The following GXYLT2 variants were observed in gnomAD, a reference collection of about 807,000 sequenced individuals.
The protein encoded by GXYLT2 is glycosyltransferase 8 domain containing 4.
Under a neutral mutation model 45.8 loss-of-function variants are expected in GXYLT2, and 53 were observed. The ratio of observed to expected loss-of-function variants is 1.16; its 90% CI spans 0.93 to 1.46. The LOEUF is 1.46. Ranked by LOEUF, GXYLT2 falls within the 40% of genes most tolerant of loss-of-function variation. GXYLT2 has a pLI of 0.00. For missense variants in GXYLT2, 551 were observed against 544.4 expected (o/e 1.01, Z -0.12); for synonymous variants, 219 against 214.2 (o/e 1.02, Z -0.19).
At chr3:72,949,502 C>CTTTTTTTTTTTTTTTTTTTTTTTTTTTT (rs56323434) in intron 3 of GXYLT2, among the ~76,000 whole-genome samples, 1 of 72,610 alleles carries the variant, frequency 1.4e-5, no homozygotes, top group African/African-American at 6.2e-5. Context: ...CTTTCTTTTT[C>CTTTTTTTTTTTTTTTTTTTTTTTTTTTT]TTTTTTTTTT....
At chr3:72,932,209 C>A (rs538411776) in intron 3 of GXYLT2, among the ~76,000 whole-genome samples, 1 of 151,920 alleles carries the variant, frequency 6.6e-6, no homozygotes, top group African/African-American at 2.4e-5. Context: ...CCCACCACCA[C>A]GCCCAGCTAA....
At chr3:72,938,193 C>T (rs551615555) in intron 3 of GXYLT2, among the ~76,000 whole-genome samples, 1 of 152,284 alleles carries the variant, frequency 6.6e-6, no homozygotes, top group South Asian at 2.1e-4. Flanking sequence ...CTCTGTAAAA[C>T]TCTTTTGATG....
At chr3:72,969,306 T>C (rs1710939955) in intron 6 of GXYLT2, among the ~76,000 whole-genome samples, 1 of 150,222 alleles carries the variant, frequency 6.7e-6, no homozygotes, top group South Asian at 2.1e-4. Context: ...AGCAGGAGGA[T>C]CACTTGACCC....
chr3:72,962,800 G>A (rs1319947668), intron 5 of GXYLT2, among the ~76,000 whole-genome samples: 1 of 152,090 alleles, frequency 6.6e-6, no homozygotes, highest in African/African-American at 2.4e-5. Flanking sequence ...GGGGTTGAGA[G>A]AGAGACCCTC....
chr3:72,915,177 C>T (rs1415277014), intron 2 of GXYLT2, among the ~76,000 whole-genome samples: 4 of 151,654 alleles, frequency 2.6e-5, no homozygotes, highest in Non-Finnish European at 4.4e-5. Context: ...GGTTTTATTG[C>T]GAGCAACCTA....
chr3:72,908,590 T>C, intron 2 of GXYLT2, 31 bp downstream of exon 2: 1 of 1,546,976 alleles, frequency 6.5e-7, no homozygotes, highest in Non-Finnish European at 8.9e-7. Context: ...GCACAGTGTT[T>C]ACTAAGTACA....
At chr3:72,920,415 G>A (rs979400257) in intron 2 of GXYLT2, among the ~76,000 whole-genome samples, 22 of 152,092 alleles carry the variant, frequency 1.4e-4, no homozygotes, top group African/African-American at 4.1e-4. Context: ...GATTACAGGC[G>A]TCAGCCACCA....
intron 1 of GXYLT2, chr3:72,907,984 C>G: frequency 6.0e-6 from 1 of 166,522 alleles, no homozygotes; most frequent in Non-Finnish European, 1.3e-5. Flanking sequence ...GTTCAAGTTG[C>G]ATTCAAATCT....
chr3:72,967,436 CT>C, intron 5 of GXYLT2, 110 bp from the exon 6 acceptor site: 2 of 821,116 alleles, frequency 2.4e-6, no homozygotes, highest in Non-Finnish European at 1.9e-6. Flanking sequence ...CACTCCTGTA[CT>C]TTGAAATTAC....
chr3:72,911,063 G>A (rs1390627822), intron 2 of GXYLT2, among the ~76,000 whole-genome samples: 6 of 152,098 alleles, frequency 3.9e-5, no homozygotes, highest in Non-Finnish European at 5.9e-5. Flanking sequence ...AAGCTGAGGC[G>A]GGCGGATCAC....
rs1553706024 is a variant in GXYLT2, at chr3:72,914,551, G to GCGCGCA, written c.468+5997_468+5998insACGCGC. On this transcript the variant is annotated intron_variant, in intron 2 of 6. Coordinates refer to ENST00000389617, the MANE Select transcript of GXYLT2 (RefSeq NM_001080393.2). ...TATGTGTGTGTGTGTGTGTGTGCGC[G>GCGCGCA]CGCGCGCTTGCGTGCGCATGTATAT... 6.4e-3 allele frequency among the ~76,000 whole-genome samples: 977 copies of GCGCGCA among 151,644 alleles called. 10 individuals carry two copies. Among genetic ancestry groups the GCGCGCA allele is most frequent in the African/African-American group, 0.022 (910 of 41,248 alleles).
At chr3:72,900,125 G>A (rs2107066530) in intron 1 of GXYLT2, among the ~76,000 whole-genome samples, 1 of 152,292 alleles carries the variant, frequency 6.6e-6, no homozygotes, top group Admixed American at 6.5e-5. Context: ...AATTCAGTGT[G>A]TTTTGCAGTA....
chr3:72,938,463 A>G (rs1710232107), intron 3 of GXYLT2, among the ~76,000 whole-genome samples: 1 of 152,246 alleles, frequency 6.6e-6, no homozygotes, highest in Admixed American at 6.5e-5. Context: ...TAATTTGAGT[A>G]AAGAGCTACA....
intron 5 of GXYLT2, among the ~76,000 whole-genome samples, chr3:72,958,090 G>A (rs1232697142): frequency 6.6e-6 from 1 of 151,514 alleles, no homozygotes; most frequent in Non-Finnish European, 1.5e-5. Context: ...ACCCAACATG[G>A]TGAAATCCCA....
In GXYLT2 at chr3:72,896,827, G is replaced by GT. The variant is rs1709300650; in HGVS notation, c.275+8320dup. On this transcript the variant is annotated intron_variant, in intron 1 of 6. Coordinates refer to ENST00000389617, the MANE Select transcript of GXYLT2 (RefSeq NM_001080393.2). ...ATAGCGCCACTGCACTCCAGCCTGA[G>GT]TGACAGAGTGAGACCTTGTCTCACA... Among the ~76,000 whole-genome samples, 3 of 151,508 alleles carry GT rather than the reference G, an allele frequency of 2.0e-5. No homozygotes were observed. In the South Asian group the frequency reaches 6.2e-4, roughly 31 times the overall value.
At chr3:72,921,900 C>A (rs1709839159) in intron 2 of GXYLT2, among the ~76,000 whole-genome samples, 1 of 152,144 alleles carries the variant, frequency 6.6e-6, no homozygotes, top group Admixed American at 6.6e-5. Context: ...TGTCCTTGTA[C>A]CTCTGTCTTT....
chr3:72,967,662 C>A lies in GXYLT2; in HGVS notation c.1092C>A (p.Gly364=), dbSNP rs763120444. The change falls in exon 6 of 7, where the codon GGC becomes GGA. Residue 364 remains glycine, a synonymous_variant. Coordinates refer to ENST00000389617, the MANE Select transcript of GXYLT2 (RefSeq NM_001080393.2). ...TGTCTGTTCTGCATGGAAACCGAGG[C>A]GTCTACCATGACGATAAGCAACCAA... ...EGVSVLHGNR[G]VYHDDKQPTF... is the part of the protein sequence containing the mutation. The A allele has an allele frequency of 6.2e-7, 1 of 1,613,898 alleles. No homozygotes were observed. Among genetic ancestry groups the A allele is most frequent in the Non-Finnish European group, 8.5e-7 (1 of 1,179,830 alleles).
chr3:72,901,468 G>GA (rs71124001), intron 1 of GXYLT2, among the ~76,000 whole-genome samples: 9,262 of 115,532 alleles, frequency 0.08, 553 homozygotes, highest in African/African-American at 0.19. Flanking sequence ...TGCATCAAAA[G>GA]AAAAAAAAAA....
Position 72,917,396 on chromosome 3 carries a change from G to A in GXYLT2, c.469-4808G>A, listed in dbSNP as rs540119224. Among the ~76,000 whole-genome samples the A allele has an allele frequency of 3.9e-5, 6 of 152,194 alleles. No individual in the cohort carries two copies. In the South Asian group the frequency reaches 1.2e-3, roughly 32 times the overall value. ...TTATGCCTAGCGTCAGTTCTAATGG[G>A]ATCTGTGCAATTATACTGGGTAAAT... On this transcript the variant is annotated intron_variant, in intron 2 of 6. Transcript: ENST00000389617.
Sources: gnomAD v4.1 joint callset for allele counts (sites outside exome capture counted in the v4.1 genomes callset) on GRCh38, gnomAD v4.1.1 for gene constraint, MANE v1.5 for transcripts, NCBI Gene and HGNC (gene_info 2026-07-23, HGNC 2026-07-21) for gene names.